PEAR1: variants seen among roughly 807,000 people sequenced by gnomAD.
PEAR1 encodes multiple EGF-like domains protein 12.
A neutral mutation model predicts 131.2 loss-of-function variants in PEAR1; 113 were observed. The ratio of observed to expected loss-of-function variants is 0.86; its 90% CI spans 0.74 to 1.01. The LOEUF (loss-of-function observed/expected upper bound fraction) is 1.01, where lower values mean the gene tolerates loss of function less well. PEAR1 is among the 50% of genes least tolerant of loss of function. The pLI is 0.00. For missense variants in PEAR1, 1,408 were observed against 1,391.1 expected (o/e 1.01, Z -0.19); for synonymous variants, 565 against 523.3 (o/e 1.08, Z -1.09).
intron 11 of PEAR1, 43 bp from the exon 12 acceptor site, chr1:156,909,708 G>T (rs775100498): frequency 4.5e-6 from 7 of 1,555,102 alleles, no homozygotes; most frequent in South Asian, 1.2e-5. Context: ...TGCTCAGGAA[G>T]GGAAATGGGT....
At position 156,908,900 on chromosome 1, in the gene PEAR1, G is replaced by C; in HGVS notation, c.1291-16G>C. On this transcript the variant is annotated splice_polypyrimidine_tract_variant and intron_variant, in intron 10 of 22. Transcript: ENST00000292357. This position sits in a 1 kb window ranked among gnomAD's most constrained non-coding sequence, Gnocchi z 4.2. ...AAGGAATGGGCCGCCCCTCTCACCCGCTCACCCTCTTTCAGGGCCCTCACT... is the reference window on the plus strand; with the variant it reads ...AAGGAATGGGCCGCCCCTCTCACCCCCTCACCCTCTTTCAGGGCCCTCACT... The C allele has an allele frequency of 6.2e-7, 1 of 1,611,922 alleles. No individual in the cohort carries two copies. The highest frequency in any genetic ancestry group is 8.5e-7 in the Non-Finnish European group (1 of 1,179,888).
chr1:156,910,495 T>C (rs1650937434), intron 14 of PEAR1, 115 bp downstream of exon 14: 14 of 1,545,914 alleles, frequency 9.1e-6, no homozygotes, highest in Non-Finnish European at 1.2e-5. Flanking sequence ...TTACCCCCGG[T>C]CTCTTCCTCT....
chr1:156,911,175 CT>C (rs758681954), intron 15 of PEAR1, among the ~76,000 whole-genome samples: 11 of 108,866 alleles, frequency 1.0e-4, no homozygotes, highest in African/African-American at 3.8e-4. Flanking sequence ...TCTTTCCTTT[CT>C]TTTCTTTCTT....
chr1:156,911,037 T>TTC (rs1651013562), intron 15 of PEAR1, among the ~76,000 whole-genome samples: 1 of 113,274 alleles, frequency 8.8e-6, no homozygotes, highest in Non-Finnish European at 1.8e-5. Flanking sequence ...CTTGATTTCT[T>TTC]TTTCTTTCTT....
At position 156,908,303 on chromosome 1, in the gene PEAR1, C is replaced by T. The variant is rs1650610471; in HGVS notation, c.1078C>T (p.Gln360Ter). ...CPDGFYGLSC[Q>*]APCTCDREHS... is the part of the protein sequence containing the mutation. ...CGACGGCTTCTACGGTCTCAGCTGC[C>T]AGGCCCCCTGCACCTGCGACCGGGA... is the stretch of plus-strand genomic sequence containing the variant. Residue 360 changes from glutamine to a stop codon, truncating the protein, a stop_gained, in exon 9 of 23, where the codon CAG becomes TAG. Transcript: ENST00000292357. LOFTEE classifies it high-confidence loss of function. The surrounding 1 kb of genome is among the most constrained non-coding windows in gnomAD (Gnocchi z 4.2). The T allele has an allele frequency of 1.9e-6, 3 of 1,567,670 alleles. No homozygotes were observed. The highest frequency in any genetic ancestry group is 2.6e-6 in the Non-Finnish European group (3 of 1,161,312).
Position 156,908,364 on chromosome 1 carries a change from A to G in PEAR1, c.1115+24A>G, listed in dbSNP as rs1015820151. On this transcript the variant is annotated intron_variant, in intron 9 of 22. Transcript: ENST00000292357. This position sits in a 1 kb window ranked among gnomAD's most constrained non-coding sequence, Gnocchi z 4.2. The stretch of plus-strand genomic sequence containing the variant: ...AGGTGGGCCGCGGGACATGTGGTCA[A>G]AGGATCAGGAGGCCAATGGGGAGGT... 1.6e-5 allele frequency: 24 copies of G among 1,483,294 alleles called. No homozygotes were observed. In the Admixed American group the frequency reaches 5.2e-4, roughly 32 times the overall value. The allele number at this position is 1,483,294 out of a possible 1,614,324, so 91.9% of individuals were successfully genotyped here. A position where few individuals can be genotyped will look rare whatever the true frequency, so the allele number is the denominator to read the frequency against.
intron 2 of PEAR1, 87 bp downstream of exon 2, chr1:156,904,114 C>G: frequency 9.2e-7 from 1 of 1,083,466 alleles, no homozygotes; most frequent in Admixed American, 1.8e-5. Context: ...TTTTCTTGGT[C>G]CTTCCTTAAT....
At chr1:156,909,453 C>T (rs1468962341) in intron 11 of PEAR1, among the ~76,000 whole-genome samples, 1 of 152,194 alleles carries the variant, frequency 6.6e-6, no homozygotes, top group African/African-American at 2.4e-5. Context: ...TCTGGCACAT[C>T]CTCTGTATAA....
At position 156,914,752 on chromosome 1, in the gene PEAR1, C is replaced by T; in HGVS notation, c.3068C>T (p.Pro1023Leu). Residue 1023 changes from proline to leucine, a missense_variant, in exon 23 of 23, where the codon CCA becomes CTA. Physicochemically the swap from Pro to Leu is moderately conservative, Grantham distance 98. Coordinates refer to ENST00000292357, the MANE Select transcript of PEAR1 (RefSeq NM_001080471.3). Reference protein sequence around the residue: ...SHIPGHYDLPPVRHPPSPPLR... With the variant: ...SHIPGHYDLPLVRHPPSPPLR... The stretch of plus-strand genomic sequence containing the variant: ...ATCCCTGGACATTATGACTTGCCTC[C>T]AGTACGGCATCCCCCATCACCTCCA... 6.2e-7 allele frequency: 1 copy of T among 1,614,056 alleles called. No homozygotes were observed. Among genetic ancestry groups the T allele is most frequent in the Non-Finnish European group, 8.5e-7 (1 of 1,179,920 alleles).
intron 11 of PEAR1, 135 bp from the exon 12 acceptor site, chr1:156,909,616 C>T: frequency 1.0e-6 from 1 of 962,348 alleles, no homozygotes; most frequent in Non-Finnish European, 1.5e-6. Flanking sequence ...ATAAGCTTTT[C>T]TCCTGTATGG....
In PEAR1 at chr1:156,908,289, A is replaced by G. The variant is rs975370261; in HGVS notation, c.1064A>G (p.Tyr355Cys). ...CTDRLCPDGF[Y>C]GLSCQAPCTC... ...GATCGCCTCTGCCCCGACGGCTTCTACGGTCTCAGCTGCCAGGCCCCCTGC... is the reference window on the plus strand; with the variant it reads ...GATCGCCTCTGCCCCGACGGCTTCTGCGGTCTCAGCTGCCAGGCCCCCTGC... The change falls in exon 9 of 23, where the codon TAC (tyrosine) becomes TGC (cysteine). Residue 355 changes from tyrosine to cysteine, a missense_variant. Physicochemically the swap from Tyr to Cys is radical, Grantham distance 194. Coordinates refer to ENST00000292357, the MANE Select transcript of PEAR1 (RefSeq NM_001080471.3). This position sits in a 1 kb window ranked among gnomAD's most constrained non-coding sequence, Gnocchi z 4.2. 4 of 1,578,140 alleles carry G rather than the reference A, an allele frequency of 2.5e-6. No homozygotes were observed. Among genetic ancestry groups the G allele is most frequent in the Admixed American group, 1.8e-5 (1 of 56,714 alleles).
At position 156,914,010 on chromosome 1, in the gene PEAR1, C is replaced by A. The variant is rs894710843; in HGVS notation, c.2872C>A (p.Pro958Thr). Residue 958 changes from proline to threonine, a missense_variant, in exon 22 of 23, where the codon CCT (proline) becomes ACT (threonine). By Grantham distance (38) the Pro-to-Thr change is conservative (BLOSUM62 -1). Coordinates refer to ENST00000292357, the MANE Select transcript of PEAR1 (RefSeq NM_001080471.3). The part of the protein sequence containing the change: ...GPPSGSPPRQ[P>T]PQFWDSQRRR... ...TCCCTCAGGATCTCCCCCCAGGCAG[C>A]CTCCTCAGTTCTGGGACAGCCAGAG... 1 of 1,612,714 alleles carries A rather than the reference C, an allele frequency of 6.2e-7. No individual in the cohort carries two copies. Among genetic ancestry groups the A allele is most frequent in the Non-Finnish European group, 8.5e-7 (1 of 1,179,428 alleles).
At position 156,905,343 on chromosome 1, in the gene PEAR1, T is replaced by A. The variant is rs1256077215; in HGVS notation, c.226T>A (p.Tyr76Asn). 1 of 1,612,128 alleles carries A rather than the reference T, an allele frequency of 6.2e-7. No homozygotes were observed. The highest frequency in any genetic ancestry group is 8.5e-7 in the Non-Finnish European group (1 of 1,179,602). Reference sequence around the variant, plus strand: ...CCGCAGGGTTGTATACCGGACCGTGTACCGTCAGGTGGTGAAGACGGACCA... The same window carrying A: ...CCGCAGGGTTGTATACCGGACCGTGAACCGTCAGGTGGTGAAGACGGACCA... ...PQPTVVYRTV[Y>N]RQVVKTDHRQ... Residue 76 changes from tyrosine (Y) to asparagine (N), a missense_variant, in exon 4 of 23, where the codon TAC becomes AAC. Physicochemically the swap from Tyr to Asn is moderately radical, Grantham distance 143 (BLOSUM62 -2). Transcript: ENST00000292357.
chr1:156,912,738 G>A (rs1388386082), intron 17 of PEAR1, 32 bp from the exon 18 acceptor site: 4 of 1,613,600 alleles, frequency 2.5e-6, no homozygotes, highest in Non-Finnish European at 3.4e-6. Context: ...GAGCCAAGAT[G>A]CCATTCTGAG....
chr1:156,903,920 C>G lies in PEAR1; in HGVS notation c.-7C>G, dbSNP rs1649940963. 2 of 1,613,252 alleles carry G rather than the reference C, an allele frequency of 1.2e-6. No individual in the cohort carries two copies. The highest frequency in any genetic ancestry group is 1.7e-6 in the Non-Finnish European group (2 of 1,179,492). Reference sequence around the variant, plus strand: ...ACTCTGCGCCGGTCTTGCTGCAGGCCTCTGCAATGTCACCGCCTCTGTGTC... The same window carrying G: ...ACTCTGCGCCGGTCTTGCTGCAGGCGTCTGCAATGTCACCGCCTCTGTGTC... On this transcript the variant is annotated splice_region_variant and 5_prime_UTR_variant, in exon 2 of 23. Transcript: ENST00000292357.
chr1:156,907,947 C>T lies in PEAR1; in HGVS notation c.798C>T (p.Gly266=). The T allele has an allele frequency of 6.3e-7, 1 of 1,587,452 alleles. No homozygotes were observed. Among genetic ancestry groups the T allele is most frequent in the Non-Finnish European group, 8.6e-7 (1 of 1,165,956 alleles). The change falls in exon 8 of 23, where the codon GGC becomes GGT. Residue 266 remains glycine (G), a synonymous_variant. Coordinates refer to ENST00000292357, the MANE Select transcript of PEAR1 (RefSeq NM_001080471.3). ...GTICSLPCPE[G]FHGPNCSQEC... is the part of the protein sequence containing the mutation. ...TCTGCTCCCTGCCCTGCCCAGAGGG[C>T]TTTCACGGACCCAACTGCTCCCAGG... is the stretch of plus-strand genomic sequence containing the variant.
Position 156,909,824 on chromosome 1 carries a change from G to A in PEAR1, c.1485G>A (p.Gln495=). 1 of 1,614,004 alleles carries A rather than the reference G, an allele frequency of 6.2e-7. No individual in the cohort carries two copies. The highest frequency in any genetic ancestry group is 1.1e-5 in the South Asian group (1 of 91,078). Residue 495 remains glutamine, a synonymous_variant, in exon 12 of 23, where the codon CAG becomes CAA. Transcript: ENST00000292357. ...TWGFSCNASC[Q]CAHEAVCSPQ... ...GCTTCAGTTGCAATGCCAGCTGCCA[G>A]TGTGCCCATGAGGCAGTCTGCAGCC...
At position 156,908,263 on chromosome 1, in the gene PEAR1, G is replaced by T. The variant is rs1258462798; in HGVS notation, c.1038G>T (p.Thr346=). The part of the protein sequence containing the change: ...CEHGFTGDRC[T]DRLCPDGFYG... ...ACGGCTTCACTGGGGACCGCTGCAC[G>T]GATCGCCTCTGCCCCGACGGCTTCT... is the stretch of plus-strand genomic sequence containing the variant. Residue 346 remains threonine, a synonymous_variant, in exon 9 of 23, where the codon ACG becomes ACT. Coordinates refer to ENST00000292357, the MANE Select transcript of PEAR1 (RefSeq NM_001080471.3). The surrounding 1 kb of genome is among the most constrained non-coding windows in gnomAD (Gnocchi z 4.2). 6.3e-7 allele frequency: 1 copy of T among 1,593,344 alleles called. No individual in the cohort carries two copies. The highest frequency in any genetic ancestry group is 1.1e-5 in the South Asian group (1 of 88,530).
At chr1:156,896,871 C>T (rs112841179) in intron 1 of PEAR1, among the ~76,000 whole-genome samples, 3 of 152,308 alleles carry the variant, frequency 2.0e-5, no homozygotes, top group African/African-American at 4.8e-5. Context: ...GTCAGGAGGG[C>T]AAGTCTGGAG....
Sources: gnomAD v4.1 joint callset for allele counts (sites outside exome capture counted in the v4.1 genomes callset) on GRCh38, gnomAD v4.1.1 for gene constraint, Gnocchi (gnomAD v3.1) non-coding constraint, MANE v1.5 for transcripts, NCBI Gene and HGNC (gene_info 2026-07-23, HGNC 2026-07-21) for gene names.